Variants in SKIC8 observed in about 807,000 individuals in gnomAD.
SKIC8 encodes the protein SKI8 subunit of superkiller complex.
the SKIC8 span, chr15:78,294,787 G>T: frequency 5.0e-6 from 3 of 604,308 alleles, no homozygotes; most frequent in South Asian, 2.8e-5. Context: ...TGTTGTTGTT[G>T]TTGTCTGTTT....
At chr15:78,299,474 G>T in the SKIC8 span, 1 of 152,864 alleles carries the variant, frequency 6.5e-6, no homozygotes, top group East Asian at 1.9e-4. Flanking sequence ...AGGCAGCCTC[G>T]GGCCCAACCT....
At chr15:78,291,457 C>T in the SKIC8 span, among the ~76,000 whole-genome samples, 1 of 152,088 alleles carries the variant, frequency 6.6e-6, no homozygotes, top group Non-Finnish European at 1.5e-5. Flanking sequence ...TAAAGACAAC[C>T]ATCAGGGGAG....
the SKIC8 span, among the ~76,000 whole-genome samples, chr15:78,297,370 T>C: frequency 5.3e-5 from 8 of 152,230 alleles, no homozygotes; most frequent in African/African-American, 1.2e-4. Flanking sequence ...CACAAAAGCA[T>C]TGTAAGTATT....
At chr15:78,299,148 G>T in the SKIC8 span, among the ~76,000 whole-genome samples, 1 of 152,146 alleles carries the variant, frequency 6.6e-6, no homozygotes, top group Admixed American at 6.5e-5. Context: ...GGCGTAAAGC[G>T]AACCCAGCCT....
the SKIC8 span, chr15:78,286,092 G>C: frequency 1.2e-6 from 2 of 1,613,964 alleles, no homozygotes; most frequent in Non-Finnish European, 1.7e-6. Flanking sequence ...CAGCACCCAG[G>C]AGGCATGGCC....
At chr15:78,283,393 T>A in the SKIC8 span, 4 of 1,515,462 alleles carry the variant, frequency 2.6e-6, no homozygotes, top group Admixed American at 1.7e-5. Flanking sequence ...GATCAATCCG[T>A]ACATTCTCTT....
chr15:78,292,460 C>T, the SKIC8 span: 5 of 750,932 alleles, frequency 6.7e-6, no homozygotes, highest in Non-Finnish European at 1.1e-5. Context: ...CTGTTTCCAG[C>T]CCCACTGAGG....
At chr15:78,299,134 A>G in the SKIC8 span, among the ~76,000 whole-genome samples, 1 of 152,338 alleles carries the variant, frequency 6.6e-6, no homozygotes, top group African/African-American at 2.4e-5. Context: ...ATTGCACGGT[A>G]CTTGGCGTAA....
chr15:78,283,386 C>T, the SKIC8 span: 8 of 1,481,622 alleles, frequency 5.4e-6, no homozygotes, highest in Non-Finnish European at 7.5e-6. Context: ...ATGTCATGAT[C>T]AATCCGTACA....
At chr15:78,293,698 G>A in the SKIC8 span, among the ~76,000 whole-genome samples, 2 of 152,178 alleles carry the variant, frequency 1.3e-5, no homozygotes, top group East Asian at 3.8e-4. Context: ...AAACAGTATA[G>A]ATCTAAAAGA....
chr15:78,296,961 C>G, the SKIC8 span, among the ~76,000 whole-genome samples: 4 of 152,218 alleles, frequency 2.6e-5, no homozygotes, highest in Non-Finnish European at 5.9e-5. Flanking sequence ...CTGAAAGCCT[C>G]TGGGCACATT....
chr15:78,285,249 A>T, the SKIC8 span: 1 of 1,613,436 alleles, frequency 6.2e-7, no homozygotes, highest in East Asian at 2.2e-5. Flanking sequence ...AGATGAAATA[A>T]TAATGCCATA....
chr15:78,283,631 G>C, the SKIC8 span: 246 of 814,296 alleles, frequency 3.0e-4, 1 homozygote, highest in South Asian at 4.7e-3. Flanking sequence ...ACTGAGATGA[G>C]GATGTTCTTG....
chr15:78,295,679 T>C, the SKIC8 span: 9 of 1,576,110 alleles, frequency 5.7e-6, no homozygotes, highest in Non-Finnish European at 6.9e-6. Context: ...TCTTACCTGG[T>C]TGGTCATTTC....
chr15:78,291,914 G>C, the SKIC8 span: 1 of 152,260 alleles, frequency 6.6e-6, no homozygotes, highest in Non-Finnish European at 1.5e-5. Flanking sequence ...CCATTTATAA[G>C]TAAATGTGAA....
At chr15:78,287,828 G>A in the SKIC8 span, among the ~76,000 whole-genome samples, 3 of 152,102 alleles carry the variant, frequency 2.0e-5, no homozygotes, top group Non-Finnish European at 4.4e-5. Context: ...AACCAAAAAC[G>A]CTCCCATCTA....
the SKIC8 span, chr15:78,292,800 G>A: frequency 2.5e-6 from 4 of 1,611,868 alleles, no homozygotes; most frequent in Admixed American, 3.3e-5. Context: ...TTCAACAGGG[G>A]ACAGAGAAAT....
chr15:78,285,309 A>T, the SKIC8 span: 1 of 1,614,262 alleles, frequency 6.2e-7, no homozygotes, highest in Non-Finnish European at 8.5e-7. Flanking sequence ...TCGTTCCAAC[A>T]TCCCAAACTT....
the SKIC8 span, chr15:78,288,525 T>A: frequency 1.3e-6 from 1 of 761,526 alleles, no homozygotes; most frequent in Non-Finnish European, 2.2e-6. Flanking sequence ...GAGTTCTGAT[T>A]GGGCCTTTCC....
Sources: gnomAD v4.1 joint callset for allele counts (sites outside exome capture counted in the v4.1 genomes callset) on GRCh38, gnomAD v4.1.1 for gene constraint, MANE v1.5 for transcripts, NCBI Gene and HGNC (gene_info 2026-07-23, HGNC 2026-07-21) for gene names.